Variants in DENND5A observed in about 807,000 individuals in gnomAD.
DENND5A encodes DENN domain-containing protein 5A.
Under a neutral mutation model 140.3 loss-of-function variants are expected in DENND5A, and 64 were observed. The ratio of observed to expected loss-of-function variants is 0.46; its 90% CI spans 0.37 to 0.56. The LOEUF (loss-of-function observed/expected upper bound fraction) is 0.56, where lower values mean the gene tolerates loss of function less well. DENND5A is among the 20% of genes least tolerant of loss of function. DENND5A has a pLI of 0.00. For missense variants in DENND5A, 1,292 were observed against 1,593.8 expected (o/e 0.81, Z 3.22); for synonymous variants, 605 against 607.7 (o/e 1.00, Z 0.07).
chr11:9,140,226 GA>G, intron 22 of DENND5A: 1 of 1,315,096 alleles, frequency 7.6e-7, no homozygotes, highest in Non-Finnish European at 9.9e-7. Context: ...ACTGACATAA[GA>G]GATTTAATCT....
chr11:9,145,168 T>C, intron 17 of DENND5A, 55 bp from the exon 18 acceptor site: 2 of 1,312,748 alleles, frequency 1.5e-6, no homozygotes, highest in Non-Finnish European at 2.2e-6. Context: ...AAAAGAACAG[T>C]AGTTCTCGGA....
chr11:9,209,306 A>G (rs895639539), intron 1 of DENND5A, among the ~76,000 whole-genome samples: 1 of 152,198 alleles, frequency 6.6e-6, no homozygotes, highest in African/African-American at 2.4e-5. Context: ...AAGACATGAC[A>G]TGCATGTGTG....
intron 3 of DENND5A, among the ~76,000 whole-genome samples, chr11:9,205,125 A>C (rs1849652510): frequency 6.6e-6 from 1 of 152,214 alleles, no homozygotes; most frequent in African/African-American, 2.4e-5. Context: ...TCACCTCACA[A>C]AATTCTGTCA....
At chr11:9,214,861 TTAC>T (rs1430291018) in intron 1 of DENND5A, among the ~76,000 whole-genome samples, 1 of 152,168 alleles carries the variant, frequency 6.6e-6, no homozygotes, top group African/African-American at 2.4e-5. Context: ...CTAGCTGGGA[TTAC>T]AGGCGCCTGC....
At chr11:9,176,320 C>T (rs1426664877) in intron 8 of DENND5A, among the ~76,000 whole-genome samples, 2 of 152,202 alleles carry the variant, frequency 1.3e-5, no homozygotes, top group Non-Finnish European at 2.9e-5. Context: ...ATACATTTGG[C>T]ATCTGGTAGG....
At position 9,179,092 on chromosome 11, in the gene DENND5A, C is replaced by T. The variant is rs1248262660; in HGVS notation, c.1456-19G>A. ...CTTCCAACTACAAAAAAAGAAAAAG[C>T]AGTTGAGAACACATACACTTTTTCC... On this transcript the variant is annotated intron_variant, in intron 6 of 22. Transcript: ENST00000328194. The T allele has an allele frequency of 6.2e-7, 1 of 1,602,644 alleles. No individual in the cohort carries two copies. Among genetic ancestry groups the T allele is most frequent in the East Asian group, 2.2e-5 (1 of 44,784 alleles).
intron 1 of DENND5A, among the ~76,000 whole-genome samples, chr11:9,226,630 AC>A (rs1275271748): frequency 6.6e-6 from 1 of 152,164 alleles, no homozygotes; most frequent in Non-Finnish European, 1.5e-5. Flanking sequence ...AATTCATAAA[AC>A]TGTAAGAGGA....
At chr11:9,152,317 G>A (rs1357128059) in intron 13 of DENND5A, 41 bp downstream of exon 13, 3 of 1,408,892 alleles carry the variant, frequency 2.1e-6, no homozygotes, top group African/African-American at 2.8e-5. Context: ...TGATGGAAAA[G>A]TGGAGAGAGG....
intron 8 of DENND5A, chr11:9,176,922 G>A (rs1397478750): frequency 4.4e-6 from 2 of 456,116 alleles, no homozygotes; most frequent in South Asian, 3.1e-5. Flanking sequence ...AATGAAAGTT[G>A]TTAGAAATTT....
chr11:9,208,876 C>T (rs1315248637), intron 1 of DENND5A, among the ~76,000 whole-genome samples: 2 of 152,206 alleles, frequency 1.3e-5, no homozygotes, highest in Non-Finnish European at 2.9e-5. Context: ...AGCAACAAGG[C>T]CTACAGCTTA....
rs1459726583 is a variant in DENND5A at position 9,265,024 on chromosome 11, C to T, written c.46G>A (p.Ala16Thr). 7 of 1,575,024 alleles carry T rather than the reference C, an allele frequency of 4.4e-6. No individual in the cohort carries two copies. The highest frequency in any genetic ancestry group is 6.0e-6 in the Non-Finnish European group (7 of 1,163,928). ...GGGGSAPSRF[A>T]DYFVICGLDT... The stretch of plus-strand genomic sequence containing the variant: ...AGTCCGCAGATGACAAAGTAGTCGG[C>T]GAAGCGACTGGGCGCCGAGCCCCCT... The change falls in exon 1 of 23, where the codon GCC (alanine) becomes ACC (threonine). Residue 16 changes from alanine (A) to threonine (T), a missense_variant. Ala to Thr is a moderately conservative substitution (Grantham distance 58). Around this residue, in one of 4 missense-constraint regions of DENND5A, gnomAD observed 566 missense variants for 650.4 expected, o/e 0.87. Transcript: ENST00000328194. This position sits in a 1 kb window ranked among gnomAD's most constrained non-coding sequence, Gnocchi z 4.7.
rs543501843 is a variant in DENND5A, at chr11:9,174,176, A to G, written c.1907-3399T>C. 1.1e-4 allele frequency among the ~76,000 whole-genome samples: 16 copies of G among 151,492 alleles called. No individual in the cohort carries two copies. The South Asian group carries it at 1.5e-3, about 14-fold the overall frequency. On this transcript the variant is annotated intron_variant, in intron 8 of 22. Transcript: ENST00000328194. ...CAATTAGTACACAAGAGGGCAGAAAAAGAAGAAAAGGGAACAAAGAACAGA... is the reference window on the plus strand; with the variant it reads ...CAATTAGTACACAAGAGGGCAGAAAGAGAAGAAAAGGGAACAAAGAACAGA...
At chr11:9,249,724 A>G (rs1851637540) in intron 1 of DENND5A, among the ~76,000 whole-genome samples, 1 of 151,798 alleles carries the variant, frequency 6.6e-6, no homozygotes, top group Non-Finnish European at 1.5e-5. Flanking sequence ...ATTTTTGTGT[A>G]TTTTTAGTAG....
chr11:9,200,298 T>G (rs1374560221), intron 4 of DENND5A, among the ~76,000 whole-genome samples: 1 of 152,068 alleles, frequency 6.6e-6, no homozygotes, highest in Non-Finnish European at 1.5e-5. Context: ...TTCAACTAAT[T>G]CTCCATTTCA....
chr11:9,210,499 T>G (rs1356707052), intron 1 of DENND5A, among the ~76,000 whole-genome samples: 1 of 152,204 alleles, frequency 6.6e-6, no homozygotes, highest in Non-Finnish European at 1.5e-5. Context: ...TCTAATAGGT[T>G]TTTTATCTGT....
chr11:9,257,216 G>C (rs1044404034), intron 1 of DENND5A, among the ~76,000 whole-genome samples: 7 of 151,878 alleles, frequency 4.6e-5, no homozygotes, highest in African/African-American at 7.3e-5. Context: ...CATCGTGTTG[G>C]CCAGGCTGGT....
chr11:9,143,548 A>G, intron 19 of DENND5A, 63 bp from the exon 20 acceptor site: 2 of 1,381,884 alleles, frequency 1.4e-6, no homozygotes. Context: ...TAGCTGCCTG[A>G]GCAGGAGACT....
chr11:9,230,453 C>G (rs1422684231), intron 1 of DENND5A, among the ~76,000 whole-genome samples: 1 of 151,666 alleles, frequency 6.6e-6, no homozygotes, highest in Non-Finnish European at 1.5e-5. Context: ...TTTTCCCAGG[C>G]TGGTCTCAAA....
chr11:9,188,117 GA>G (rs1413759762), intron 5 of DENND5A, among the ~76,000 whole-genome samples: 2 of 152,198 alleles, frequency 1.3e-5, no homozygotes, highest in Admixed American at 6.5e-5. Flanking sequence ...CCCAGTGGGG[GA>G]TAGTTGAATC....
Sources: gnomAD v4.1 joint callset for allele counts (sites outside exome capture counted in the v4.1 genomes callset) on GRCh38, gnomAD v4.1.1 for gene constraint, gnomAD v4.1.1 regional missense constraint, Gnocchi (gnomAD v3.1) non-coding constraint, MANE v1.5 for transcripts, NCBI Gene and HGNC (gene_info 2026-07-23, HGNC 2026-07-21) for gene names.